ADGRB1: variants seen among roughly 807,000 people sequenced by gnomAD.
ADGRB1 encodes brain-specific angiogenesis inhibitor 1.
In ADGRB1, 36 loss-of-function variants were observed where a neutral mutation model predicts 175.7. The ratio of observed to expected loss-of-function variants is 0.20; its 90% confidence interval spans 0.16 to 0.27. The LOEUF (loss-of-function observed/expected upper bound fraction) is 0.27, where lower values mean the gene tolerates loss of function less well. Among genes scored for constraint, ADGRB1 ranks in the 10% least tolerant of loss-of-function variants. The pLI, the probability that ADGRB1 is intolerant of heterozygous loss-of-function variation, is 1.00. For missense variants in ADGRB1, 1,731 were observed against 2,255.3 expected (o/e 0.77, Z 4.71); for synonymous variants, 1,054 against 979.4 (o/e 1.08, Z -1.42).
At chr8:142,484,584 G>T (rs960017453) in intron 12 of ADGRB1, 72 bp from the exon 13 acceptor site, 9 of 1,407,906 alleles carry the variant, frequency 6.4e-6, no homozygotes, top group Non-Finnish European at 8.7e-6. Flanking sequence ...GGAGGGACAG[G>T]GAAGGGAAGG....
chr8:142,499,201 G>C (rs1280241947), intron 17 of ADGRB1, among the ~76,000 whole-genome samples: 1 of 152,238 alleles, frequency 6.6e-6, no homozygotes, highest in Non-Finnish European at 1.5e-5. Flanking sequence ...TCACTGGCGG[G>C]GAGGCTGTGG....
intron 4 of ADGRB1, 78 bp from the exon 5 acceptor site, chr8:142,477,036 T>C (rs371348324): frequency 4.9e-6 from 7 of 1,423,954 alleles, no homozygotes; most frequent in South Asian, 4.4e-5. Flanking sequence ...AGGGCAGCCC[T>C]CCTGCTGCGG....
At chr8:142,521,034 G>T (rs1345353950) in intron 20 of ADGRB1, 109 bp downstream of exon 20, 1 of 1,104,854 alleles carries the variant, frequency 9.1e-7, no homozygotes, top group Non-Finnish European at 1.3e-6. Flanking sequence ...AGGCAGGCGG[G>T]TGTGGGGGCA....
chr8:142,506,312 G>A (rs181230153), intron 17 of ADGRB1, among the ~76,000 whole-genome samples: 76 of 152,292 alleles, frequency 5.0e-4, no homozygotes, highest in African/African-American at 1.3e-3. Flanking sequence ...TGGGATTCCT[G>A]TCTGAGGGTC....
At chr8:142,529,627 CGT>C (rs1266664897) in intron 24 of ADGRB1, among the ~76,000 whole-genome samples, 4 of 142,444 alleles carry the variant, frequency 2.8e-5, no homozygotes, top group Non-Finnish European at 4.6e-5. Flanking sequence ...AGTGTGCATA[CGT>C]GTGAGCATGC....
chr8:142,489,826 C>T (rs548697723), intron 16 of ADGRB1, among the ~76,000 whole-genome samples: 15 of 152,262 alleles, frequency 9.9e-5, no homozygotes, highest in Non-Finnish European at 1.6e-4. Flanking sequence ...CCAGGACTGA[C>T]ACCAGGCCTC....
rs564636547 is a variant in ADGRB1 at position 142,514,146 on chromosome 8, C to CG, written c.2817+3073_2817+3074insG. ...ACACGTTGGGTGTGGGGACTCTGGT[C>CG]TGAGTGGGCAGAGGCTGTGGCTTCG... On this transcript the variant is annotated intron_variant, in intron 18 of 30. Coordinates refer to ENST00000517894, the MANE Select transcript of ADGRB1 (RefSeq NM_001702.3). 2.4e-4 allele frequency among the ~76,000 whole-genome samples: 36 copies of CG among 152,152 alleles called. No homozygotes were observed. The East Asian group carries it at 3.3e-3, about 14-fold the overall frequency.
rs888166121 is a variant in ADGRB1, at chr8:142,543,542, G to A, written c.4450-59G>A. On this transcript the variant is annotated intron_variant, in intron 29 of 30. Coordinates refer to ENST00000517894, the MANE Select transcript of ADGRB1 (RefSeq NM_001702.3). This position sits in a 1 kb window ranked among gnomAD's most constrained non-coding sequence, Gnocchi z 4.4. Reference sequence around the variant, plus strand: ...GGCAGCCAGGGGACGGGCGGGGCAGGCAGGATGGGCCATGCCCTCCTCCTG... The same window carrying A: ...GGCAGCCAGGGGACGGGCGGGGCAGACAGGATGGGCCATGCCCTCCTCCTG... 1 of 1,586,282 alleles carries A rather than the reference G, an allele frequency of 6.3e-7. No individual in the cohort carries two copies. The highest frequency in any genetic ancestry group is 1.1e-5 in the South Asian group (1 of 87,922).
chr8:142,453,030 CCGCCCGCCCGCCCGCT>C (rs1158045404), intron 1 of ADGRB1, among the ~76,000 whole-genome samples: 2 of 109,088 alleles, frequency 1.8e-5, no homozygotes, highest in Non-Finnish European at 3.4e-5. Flanking sequence ...TCCCTCCCGC[CCGCCCGCCCGCCCGCT>C]CGCTCGCTCG....
At chr8:142,501,906 T>TGATGGTGGTGGC (rs1481000241) in intron 17 of ADGRB1, among the ~76,000 whole-genome samples, 2 of 23,424 alleles carry the variant, frequency 8.5e-5, no homozygotes, top group Non-Finnish European at 1.8e-4. Context: ...GATGTGGTGG[T>TGATGGTGGTGGC]GATGGTGGTG....
chr8:142,511,672 G>A lies in ADGRB1; in HGVS notation c.2817+599G>A, dbSNP rs1843113110. 6.6e-6 allele frequency among the ~76,000 whole-genome samples: 1 copy of A among 152,200 alleles called. No individual in the cohort carries two copies. Among genetic ancestry groups the A allele is most frequent in the Non-Finnish European group, 1.5e-5 (1 of 68,036 alleles). On this transcript the variant is annotated intron_variant, in intron 18 of 30. Coordinates refer to ENST00000517894, the MANE Select transcript of ADGRB1 (RefSeq NM_001702.3). The surrounding 1 kb of genome is among the most constrained non-coding windows in gnomAD (Gnocchi z 4.5). ...GGGGCTGCCGGTTTCTATGGAGACG[G>A]CATCTGGGGTCAGCCGCTGGCAGGG...
intron 11 of ADGRB1, among the ~76,000 whole-genome samples, chr8:142,483,594 T>G (rs62513266): frequency 0.32 from 42,587 of 131,644 alleles, 8,079 homozygotes; most frequent in African/African-American, 0.56. Flanking sequence ...CCTGAGCCCT[T>G]ATCCTGGTCA....
intron 24 of ADGRB1, among the ~76,000 whole-genome samples, chr8:142,528,871 C>T (rs1002554330): frequency 5.3e-5 from 8 of 152,232 alleles, no homozygotes; most frequent in African/African-American, 1.7e-4. Flanking sequence ...GGGTGCAGGG[C>T]GTGGGGCCGG....
At chr8:142,529,007 T>C (rs1844418589) in intron 24 of ADGRB1, among the ~76,000 whole-genome samples, 1 of 152,216 alleles carries the variant, frequency 6.6e-6, no homozygotes, top group African/African-American at 2.4e-5. Flanking sequence ...CTTCTGGAGT[T>C]GAACCTCCAC....
chr8:142,477,035 C>G, intron 4 of ADGRB1, 79 bp from the exon 5 acceptor site: 1 of 1,424,146 alleles, frequency 7.0e-7, no homozygotes, highest in Non-Finnish European at 9.2e-7. Flanking sequence ...CAGGGCAGCC[C>G]TCCTGCTGCG....
At chr8:142,481,456 G>C in intron 10 of ADGRB1, 61 bp from the exon 11 acceptor site, 5 of 1,583,024 alleles carry the variant, frequency 3.2e-6, no homozygotes, top group Non-Finnish European at 4.3e-6. Flanking sequence ...GGGAGATCCT[G>C]GGTGGCTGCC....
At position 142,477,431 on chromosome 8, in the gene ADGRB1, C is replaced by T; in HGVS notation, c.1269C>T (p.Ser423=). The T allele has an allele frequency of 3.7e-6, 6 of 1,611,748 alleles. No individual in the cohort carries two copies. Among genetic ancestry groups the T allele is most frequent in the Non-Finnish European group, 5.1e-6 (6 of 1,179,774 alleles). The change falls in exon 6 of 31, where the codon AGC becomes AGT. Residue 423 remains serine, a synonymous_variant. Coordinates refer to ENST00000517894, the MANE Select transcript of ADGRB1 (RefSeq NM_001702.3). ...DEWSPWSLCS[S]TCGRGFRDRT... Reference sequence around the variant, plus strand: ...GGTCGCCCTGGAGCCTCTGCTCCAGCACCTGTGGCCGTGGCTTTCGGGATC... The same window carrying T: ...GGTCGCCCTGGAGCCTCTGCTCCAGTACCTGTGGCCGTGGCTTTCGGGATC...
intron 18 of ADGRB1, among the ~76,000 whole-genome samples, chr8:142,516,482 CGCGCGCG>C: frequency 1.2e-5 from 1 of 84,202 alleles, no homozygotes; most frequent in South Asian, 4.4e-4. Flanking sequence ...TGTGTGTGTG[CGCGCGCG>C]TGTGTGCGGG....
Position 142,510,723 on chromosome 8 carries a change from G to A in ADGRB1, c.2676-209G>A, listed in dbSNP as rs1379223693. On this transcript the variant is annotated intron_variant, in intron 17 of 30. Coordinates refer to ENST00000517894, the MANE Select transcript of ADGRB1 (RefSeq NM_001702.3). The surrounding 1 kb of genome is among the most constrained non-coding windows in gnomAD (Gnocchi z 6.3). ...GCGCTCCGCGGCTCTCGGCGGCGGC[G>A]GCGGCGGGCGCAGAGCGCGGCATGG... 2.1e-5 allele frequency among the ~76,000 whole-genome samples: 3 copies of A among 145,494 alleles called. No individual in the cohort carries two copies. The highest frequency in any genetic ancestry group is 6.8e-5 in the Admixed American group (1 of 14,700).
Sources: gnomAD v4.1 joint callset for allele counts (sites outside exome capture counted in the v4.1 genomes callset) on GRCh38, gnomAD v4.1.1 for gene constraint, Gnocchi (gnomAD v3.1) non-coding constraint, MANE v1.5 for transcripts, NCBI Gene and HGNC (gene_info 2026-07-23, HGNC 2026-07-21) for gene names.